The following IRAK1BP1 variants were observed in gnomAD, a reference collection of about 807,000 sequenced individuals.
IRAK1BP1 encodes interleukin-1 receptor-associated kinase 1-binding protein 1.
A neutral mutation model predicts 28.0 loss-of-function variants in IRAK1BP1; 24 were observed. The observed-to-expected ratio is 0.86, with a 90% CI of 0.62 to 1.20. The LOEUF is 1.20. Among genes scored for constraint, IRAK1BP1 ranks in the 50% most tolerant of loss-of-function variants. The pLI, the probability that IRAK1BP1 is intolerant of heterozygous loss-of-function variation, is 0.00. For synonymous variants in IRAK1BP1, 131 were observed against 116.3 expected (o/e 1.13, Z -0.81); for missense variants, 336 against 316.7 (o/e 1.06, Z -0.46).
chr6:78,973,906 G>C, the IRAK1BP1 span, among the ~76,000 whole-genome samples: 112 of 151,820 alleles, frequency 7.4e-4, no homozygotes, highest in Non-Finnish European at 8.4e-4. Flanking sequence ...AAGAGACTTA[G>C]ACTCCCACAC....
Position 78,946,052 on chromosome 6 carries a change from C to A in IRAK1BP1, c.*712C>A, listed in dbSNP as rs756467331. 1.9e-6 allele frequency: 3 copies of A among 1,612,302 alleles called. No homozygotes were observed. The South Asian group carries it at 3.3e-5, about 18-fold the overall frequency. On this transcript the variant is annotated 3_prime_UTR_variant and NMD_transcript_variant, in exon 5 of 5. Coordinates refer to the IRAK1BP1 transcript ENST00000606868. ...TTAGCTTTTGTAATAAAAGTCTTTG[C>A]AGCTGAAGAAGTAGATGGTTGCTCA... is the stretch of plus-strand genomic sequence containing the variant.
chr6:78,915,373 C>A (rs2127663290), intron 4 of IRAK1BP1, among the ~76,000 whole-genome samples: 1 of 152,156 alleles, frequency 6.6e-6, no homozygotes, highest in Admixed American at 6.5e-5. Flanking sequence ...AAAATAAAGC[C>A]CAAAACTTTT....
chr6:78,969,218 G>A, the IRAK1BP1 span, among the ~76,000 whole-genome samples: 8 of 152,150 alleles, frequency 5.3e-5, no homozygotes, highest in African/African-American at 7.2e-5. Flanking sequence ...ATGTCAATGC[G>A]TTCTAGTGGC....
At chr6:78,923,721 T>C (rs1287020244) in intron 4 of IRAK1BP1, among the ~76,000 whole-genome samples, 6 of 152,160 alleles carry the variant, frequency 3.9e-5, no homozygotes, top group Non-Finnish European at 8.8e-5. Context: ...AAACTGTGTC[T>C]CAGACCACAG....
At chr6:78,923,221 G>A (rs1269850049) in intron 4 of IRAK1BP1, among the ~76,000 whole-genome samples, 1 of 151,700 alleles carries the variant, frequency 6.6e-6, no homozygotes, top group Non-Finnish European at 1.5e-5. Context: ...ATAAACAGAA[G>A]GAGGAAGATC....
intron 1 of IRAK1BP1, among the ~76,000 whole-genome samples, chr6:78,875,617 AG>A (rs2127666969): frequency 6.6e-6 from 1 of 152,310 alleles, no homozygotes; most frequent in East Asian, 1.9e-4. Flanking sequence ...ATCCTACCCC[AG>A]TGCAGAAACA....
chr6:78,894,421 G>C (rs1183461430), intron 2 of IRAK1BP1, among the ~76,000 whole-genome samples: 2 of 152,154 alleles, frequency 1.3e-5, no homozygotes, highest in Non-Finnish European at 2.9e-5. Context: ...TGAAAAGAAA[G>C]CTGGAGTGGC....
downstream of IRAK1BP1, chr6:78,946,670 AGT>A (rs1237417263): frequency 4.7e-6 from 7 of 1,494,470 alleles, no homozygotes; most frequent in Non-Finnish European, 6.2e-6. Context: ...TTTAGATGAA[AGT>A]TATAGATCAG....
chr6:78,972,833 A>G, the IRAK1BP1 span, among the ~76,000 whole-genome samples: 1 of 152,214 alleles, frequency 6.6e-6, no homozygotes, highest in Non-Finnish European at 1.5e-5. Context: ...AGAGAAAAAA[A>G]CAATAAAAAG....
chr6:78,868,418 T>C (rs1770668273), intron 1 of IRAK1BP1, among the ~76,000 whole-genome samples: 1 of 152,252 alleles, frequency 6.6e-6, no homozygotes. Flanking sequence ...TCCATTTTCA[T>C]TTTATAATGA....
At chr6:78,970,081 A>G in the IRAK1BP1 span, 2 of 1,613,706 alleles carry the variant, frequency 1.2e-6, no homozygotes, top group Non-Finnish European at 1.7e-6. Context: ...TCAGTTTACC[A>G]GTATCAGGAT....
At chr6:78,875,650 A>G (rs1671568987) in intron 1 of IRAK1BP1, among the ~76,000 whole-genome samples, 1 of 152,182 alleles carries the variant, frequency 6.6e-6, no homozygotes, top group Non-Finnish European at 1.5e-5. Context: ...ATTCTCACTT[A>G]TAAGTGAGAA....
chr6:78,888,343 G>A (rs1771503632), intron 2 of IRAK1BP1, among the ~76,000 whole-genome samples: 1 of 152,066 alleles, frequency 6.6e-6, no homozygotes, highest in Non-Finnish European at 1.5e-5. Context: ...CTCATGTTGT[G>A]TTGTTATCAT....
chr6:78,903,485 T>A (rs2127658084), downstream of IRAK1BP1, among the ~76,000 whole-genome samples: 1 of 151,696 alleles, frequency 6.6e-6, no homozygotes, highest in South Asian at 2.1e-4. Context: ...TGCGAGACTA[T>A]TGCAAAAAAA....
At chr6:78,936,518 G>A (rs1156713642) in intron 4 of IRAK1BP1, 4 of 151,748 alleles carry the variant, frequency 2.6e-5, no homozygotes, top group African/African-American at 9.7e-5. Flanking sequence ...ATTCCATCTT[G>A]AACCTATTTT....
chr6:78,945,835 ATTC>A lies in IRAK1BP1; in HGVS notation c.*501_*503del, dbSNP rs562562000. ...CTATAATGACCTAAACCTCAATTTA[ATTC>A]TTCTTATTAAAAACTTTTTTTTAAA... On this transcript the variant is annotated 3_prime_UTR_variant and NMD_transcript_variant, in exon 5 of 5. Transcript: ENST00000606868. The A allele has an allele frequency of 1.8e-4, 111 of 627,298 alleles. 3 individuals carry two copies. Among genetic ancestry groups the A allele is most frequent in the South Asian group, 5.4e-4 (25 of 45,992 alleles). The allele number at this position is 627,298 out of a possible 1,614,324, so 38.9% of individuals were successfully genotyped here.
At chr6:78,893,868 A>G (rs186521257) in intron 2 of IRAK1BP1, among the ~76,000 whole-genome samples, 62 of 152,172 alleles carry the variant, frequency 4.1e-4, no homozygotes, top group Admixed American at 1.5e-3. Context: ...ACGTCACTGT[A>G]CTCCAGCCTG....
At chr6:78,907,961 G>A (rs181869194), downstream of IRAK1BP1, among the ~76,000 whole-genome samples, 1,444 of 151,282 alleles carry the variant, frequency 9.5e-3, 15 homozygotes, top group African/African-American at 0.03. Context: ...CTCTTGATCC[G>A]CCCGCCTCAG....
chr6:78,915,271 A>G (rs896880762), intron 4 of IRAK1BP1, among the ~76,000 whole-genome samples: 20 of 152,242 alleles, frequency 1.3e-4, no homozygotes, highest in Non-Finnish European at 2.9e-4. Context: ...GAGTGATTCA[A>G]AGACTGTCAG....
Sources: gnomAD v4.1 joint callset for allele counts (sites outside exome capture counted in the v4.1 genomes callset) on GRCh38, gnomAD v4.1.1 for gene constraint, MANE v1.5 for transcripts, NCBI Gene and HGNC (gene_info 2026-07-23, HGNC 2026-07-21) for gene names.